The following TCF7L2 variants were observed in gnomAD, a reference collection of about 807,000 sequenced individuals.
TCF7L2 encodes transcription factor 7 like 2.
In TCF7L2, 23 loss-of-function variants were observed where a neutral mutation model predicts 77.9. That is an observed-to-expected ratio of 0.30 (90% CI 0.21 to 0.42). The LOEUF is 0.42. Among genes scored for constraint, TCF7L2 ranks in the 10% least tolerant of loss-of-function variants. TCF7L2 has a pLI of 1.00. For missense variants in TCF7L2, 654 were observed against 793.1 expected, an observed-to-expected ratio of 0.82 and a Z score of 2.11; for synonymous variants, 413 against 340.2, an observed-to-expected ratio of 1.21 and a Z score of -2.36.
At chr10:113,156,615 G>T (rs558835532) in intron 11 of TCF7L2, among the ~76,000 whole-genome samples, 3 of 152,322 alleles carry the variant, frequency 2.0e-5, no homozygotes, top group Admixed American at 1.3e-4. Flanking sequence ...TCCGGAATGA[G>T]GCAGTCGCCT....
intron 4 of TCF7L2, among the ~76,000 whole-genome samples, chr10:113,012,494 C>CA (rs11386117): frequency 0.54 from 81,772 of 151,894 alleles, 24,691 homozygotes; most frequent in African/African-American, 0.81. Context: ...GAAAGGCACT[C>CA]AAAGGAAGAA....
intron 5 of TCF7L2, among the ~76,000 whole-genome samples, chr10:113,097,646 G>GAAAAAAAAAAAAAACAAAAA (rs2061154254): frequency 2.4e-4 from 9 of 36,736 alleles, no homozygotes; most frequent in African/African-American, 9.7e-4. Context: ...TCTTGTCTCG[G>GAAAAAAAAAAAAAACAAAAA]AAAAAAAAAA....
At chr10:113,112,287 C>T (rs1234452780) in intron 5 of TCF7L2, among the ~76,000 whole-genome samples, 1 of 152,202 alleles carries the variant, frequency 6.6e-6, no homozygotes, top group African/African-American at 2.4e-5. Context: ...GAGGTAGAGG[C>T]TGTGTTGTCT....
At chr10:113,140,930 G>A (rs753498006) in intron 5 of TCF7L2, among the ~76,000 whole-genome samples, 3 of 152,172 alleles carry the variant, frequency 2.0e-5, no homozygotes, top group Non-Finnish European at 4.4e-5. Flanking sequence ...AATGGGGTAG[G>A]GGTTGAGAAG....
At chr10:112,970,203 C>A (rs565033226) in intron 4 of TCF7L2, among the ~76,000 whole-genome samples, 58 of 151,874 alleles carry the variant, frequency 3.8e-4, no homozygotes, top group Non-Finnish European at 6.8e-4. Context: ...CGCGCTTGTG[C>A]GTCCACACAA....
intron 5 of TCF7L2, among the ~76,000 whole-genome samples, chr10:113,119,191 C>T (rs1457430815): frequency 6.6e-6 from 1 of 152,158 alleles, no homozygotes; most frequent in Non-Finnish European, 1.5e-5. Flanking sequence ...AAAATTGACA[C>T]CTCACGCTAG....
intron 4 of TCF7L2, among the ~76,000 whole-genome samples, chr10:112,991,963 G>C (rs1017548090): frequency 1.3e-5 from 2 of 152,204 alleles, no homozygotes; most frequent in Admixed American, 6.5e-5. Flanking sequence ...TGCACCAAAA[G>C]CCAGGCTGCA....
chr10:112,997,498 C>T (rs2043691420), intron 4 of TCF7L2, among the ~76,000 whole-genome samples: 2 of 152,194 alleles, frequency 1.3e-5, no homozygotes, highest in African/African-American at 2.4e-5. Context: ...CAATGATAGG[C>T]ACTTTTCTGT....
intron 5 of TCF7L2, chr10:113,089,689 CTG>C: frequency 1.9e-6 from 2 of 1,045,050 alleles, no homozygotes; most frequent in Non-Finnish European, 2.7e-6. Context: ...GCCATGATGT[CTG>C]GGTGTGCTGA....
chr10:113,156,471 C>T (rs1457644841), intron 11 of TCF7L2, among the ~76,000 whole-genome samples: 2 of 152,230 alleles, frequency 1.3e-5, no homozygotes, highest in African/African-American at 4.8e-5. Flanking sequence ...CATCAACATA[C>T]TGTGAGAAGC....
intron 4 of TCF7L2, among the ~76,000 whole-genome samples, chr10:112,984,015 T>C (rs562099310): frequency 3.3e-5 from 5 of 152,342 alleles, no homozygotes; most frequent in Non-Finnish European, 4.4e-5. Context: ...CGTTGTTTTC[T>C]TTACACCTTC....
At chr10:113,159,879 C>T (rs764949313) in intron 12 of TCF7L2, 41 bp from the exon 14 acceptor site, 29 of 987,766 alleles carry the variant, frequency 2.9e-5, no homozygotes, top group Middle Eastern at 3.3e-4. Context: ...CTTTCTCCCA[C>T]GTTCTCCTCC....
intron 6 of TCF7L2, 115 bp downstream of exon 6, chr10:113,141,431 G>A (rs2068358401): frequency 6.9e-7 from 1 of 1,449,700 alleles, no homozygotes; most frequent in Non-Finnish European, 9.2e-7. Context: ...TGGGGGAACG[G>A]TGGTGGGGGG....
rs143338128 is a variant in TCF7L2 at position 113,054,913 on chromosome 10, T to G, written c.552+14787T>G. ...ATGCTTTTCTTATTCAACATTACATTTGAATTTTTTCAACATTGTACATTG... is the reference window on the plus strand; with the variant it reads ...ATGCTTTTCTTATTCAACATTACATGTGAATTTTTTCAACATTGTACATTG... On this transcript the variant is annotated intron_variant, in intron 5 of 13. Transcript: ENST00000627217. 8.7e-4 allele frequency among the ~76,000 whole-genome samples: 133 copies of G among 152,290 alleles called. 1 individual carries two copies. The highest frequency in any genetic ancestry group is 3.4e-3 in the Middle Eastern group (1 of 294).
At chr10:113,146,561 A>G (rs2069451339) in intron 8 of TCF7L2, among the ~76,000 whole-genome samples, 1 of 152,066 alleles carries the variant, frequency 6.6e-6, no homozygotes, top group African/African-American at 2.4e-5. Context: ...ATAGAAATAT[A>G]GTGTGAGCCA....
intron 6 of TCF7L2, among the ~76,000 whole-genome samples, chr10:113,142,563 G>A (rs2068563888): frequency 6.6e-6 from 1 of 152,210 alleles, no homozygotes; most frequent in Non-Finnish European, 1.5e-5. Context: ...AGAGGGGATT[G>A]GTAGTGTTGG....
intron 4 of TCF7L2, among the ~76,000 whole-genome samples, chr10:112,984,772 T>C (rs1470352919): frequency 6.6e-6 from 1 of 152,176 alleles, no homozygotes; most frequent in Admixed American, 6.5e-5. Flanking sequence ...TGGCTGCAGA[T>C]AGCTGGTTCT....
At chr10:112,961,254 AC>A (rs372246814) in intron 3 of TCF7L2, among the ~76,000 whole-genome samples, 29,962 of 60,446 alleles carry the variant, frequency 0.5, 7,931 homozygotes, top group Middle Eastern at 0.6. Flanking sequence ...ACCTCAGGTG[AC>A]CCCCCCCCCC....
chr10:112,973,053 G>A (rs770644749), intron 4 of TCF7L2, among the ~76,000 whole-genome samples: 15 of 152,146 alleles, frequency 9.9e-5, no homozygotes, highest in Non-Finnish European at 1.6e-4. Context: ...AACACACATA[G>A]AAATCACGTG....
Sources: allele counts gnomAD v4.1 joint callset (sites outside exome capture counted in the v4.1 genomes callset), GRCh38; gene constraint gnomAD v4.1.1; transcripts MANE v1.5; gene names NCBI Gene and HGNC (gene_info 2026-07-23, HGNC 2026-07-21).